The following PRKAG2 variants were observed in gnomAD, a reference collection of about 807,000 sequenced individuals.
The protein encoded by PRKAG2 is 5'-AMP-activated protein kinase subunit gamma-2.
PRKAG2 carries 26 observed loss-of-function variants against 69.6 expected under a neutral mutation model. That is an observed-to-expected ratio of 0.37 (90% confidence interval 0.27 to 0.52). PRKAG2 has a LOEUF of 0.52. PRKAG2 is among the 20% of genes least tolerant of loss of function. PRKAG2 has a pLI of 0.90. For synonymous variants in PRKAG2, 293 were observed against 285.0 expected (o/e 1.03, Z -0.28); for missense variants, 557 against 740.0 (o/e 0.75, Z 2.87).
chr7:151,559,333 C>T, intron 15 of PRKAG2: 5 of 985,158 alleles, frequency 5.1e-6, no homozygotes, highest in Non-Finnish European at 6.0e-6. Context: ...ATGGCATTAA[C>T]ATTCGTTTAG....
At chr7:151,561,738 G>A (rs946058206) in intron 14 of PRKAG2, among the ~76,000 whole-genome samples, 1 of 151,238 alleles carries the variant, frequency 6.6e-6, no homozygotes, top group Non-Finnish European at 1.5e-5. Flanking sequence ...TTCAAGACCA[G>A]CCTGACCAAT....
intron 3 of PRKAG2, among the ~76,000 whole-genome samples, chr7:151,772,659 C>T (rs898853900): frequency 4.6e-5 from 7 of 152,154 alleles, no homozygotes; most frequent in Admixed American, 6.5e-5. Context: ...TTACTTAAAA[C>T]ACTTAAAGTT....
intron 1 of PRKAG2, among the ~76,000 whole-genome samples, chr7:151,800,085 C>T (rs1337340493): frequency 1.3e-5 from 2 of 151,998 alleles, no homozygotes; most frequent in South Asian, 2.1e-4. Flanking sequence ...GGGCCGGGTG[C>T]GGTGGCTCAT....
At position 151,558,515 on chromosome 7, in the gene PRKAG2, G is replaced by C. The variant is rs548016503; in HGVS notation, c.1679-1283C>G. 21 of 960,518 alleles carry C rather than the reference G, an allele frequency of 2.2e-5. No homozygotes were observed. In the African/African-American group the frequency reaches 3.7e-4, roughly 17 times the overall value. The allele number at this position is 960,518 out of a possible 1,614,324, so 59.5% of individuals were successfully genotyped here. A position where few individuals can be genotyped will look rare whatever the true frequency, so the allele number is the denominator to read the frequency against. Reference sequence around the variant, plus strand: ...AGGTGAAGCGACTTGCTTACATTCAGACAGCGCTCGGGTGGGACAGCTGGG... The same window carrying C: ...AGGTGAAGCGACTTGCTTACATTCACACAGCGCTCGGGTGGGACAGCTGGG... On this transcript the variant is annotated intron_variant, in intron 15 of 15. Coordinates refer to ENST00000287878, the MANE Select transcript of PRKAG2 (RefSeq NM_016203.4).
At chr7:151,834,872 G>C (rs145696888) in intron 1 of PRKAG2, among the ~76,000 whole-genome samples, 7 of 152,250 alleles carry the variant, frequency 4.6e-5, no homozygotes, top group African/African-American at 1.7e-4. Context: ...GGGTCTCTCT[G>C]AGGCTGAGAG....
At position 151,780,203 on chromosome 7, in the gene PRKAG2, C is replaced by T. The variant is rs1297720821; in HGVS notation, c.466+949G>A. Reference sequence around the variant, plus strand: ...TGAGGCTGACAGAGACCTGGCTTCTCGTCCTACAGCCACTGCTGCCTGATG... The same window carrying T: ...TGAGGCTGACAGAGACCTGGCTTCTTGTCCTACAGCCACTGCTGCCTGATG... On this transcript the variant is annotated intron_variant, in intron 3 of 15. Coordinates refer to ENST00000287878, the MANE Select transcript of PRKAG2 (RefSeq NM_016203.4). This position sits in a 1 kb window ranked among gnomAD's most constrained non-coding sequence, Gnocchi z 4.2. 2.0e-5 allele frequency among the ~76,000 whole-genome samples: 3 copies of T among 152,262 alleles called. No homozygotes were observed. The highest frequency in any genetic ancestry group is 1.9e-4 in the East Asian group (1 of 5,202).
At chr7:151,729,149 G>T (rs1427618687) in intron 3 of PRKAG2, among the ~76,000 whole-genome samples, 1 of 139,744 alleles carries the variant, frequency 7.2e-6, no homozygotes, top group Non-Finnish European at 1.6e-5. Context: ...TCCAGGCATG[G>T]ATGAGAGTGG....
At chr7:151,760,254 T>C (rs1285566233) in intron 3 of PRKAG2, among the ~76,000 whole-genome samples, 3 of 152,162 alleles carry the variant, frequency 2.0e-5, no homozygotes, top group Non-Finnish European at 4.4e-5. Flanking sequence ...TTTATTGTTT[T>C]TGAAACAGAG....
At chr7:151,834,033 A>T (rs2079095040) in intron 1 of PRKAG2, among the ~76,000 whole-genome samples, 1 of 152,198 alleles carries the variant, frequency 6.6e-6, no homozygotes, top group African/African-American at 2.4e-5. Context: ...TACCTTTGCT[A>T]AATACTCACC....
chr7:151,826,095 T>C (rs894458935), intron 1 of PRKAG2, among the ~76,000 whole-genome samples: 1 of 152,150 alleles, frequency 6.6e-6, no homozygotes, highest in Admixed American at 6.6e-5. Context: ...TGCAAAGCTG[T>C]GCACCCACCA....
In PRKAG2 at chr7:151,595,411, C is replaced by A; in HGVS notation, c.798G>T (p.Arg266Ser). Residue 266 changes from arginine (R) to serine (S), a missense_variant, in exon 6 of 16, where the codon AGG (arginine) becomes AGT (serine). This residue lies in a region of PRKAG2 where 205 missense variants were observed against 383.4 expected (regional missense o/e 0.53). Coordinates refer to ENST00000287878, the MANE Select transcript of PRKAG2 (RefSeq NM_016203.4). ...GAACGATGTCATAACACTTGTGTGA[C>A]CTCATGAATCGCATGTAAACACCAC... ...SESGVYMRFMRSHKCYDIVPT... is the reference protein window; with the variant it reads ...SESGVYMRFMSSHKCYDIVPT... 1.2e-6 allele frequency: 2 copies of A among 1,613,976 alleles called. No individual in the cohort carries two copies. The highest frequency in any genetic ancestry group is 1.1e-5 in the South Asian group (1 of 91,076).
intron 1 of PRKAG2, among the ~76,000 whole-genome samples, chr7:151,855,289 T>TA (rs2079715759): frequency 8.7e-5 from 2 of 23,020 alleles, no homozygotes; most frequent in East Asian, 1.2e-3. Context: ...CACACCACCC[T>TA]CCACACACCA....
chr7:151,846,837 CTG>C, intron 1 of PRKAG2, among the ~76,000 whole-genome samples: 1 of 152,230 alleles, frequency 6.6e-6, no homozygotes, highest in East Asian at 1.9e-4. Context: ...GTTTGCATGA[CTG>C]TTCTAAAAAG....
intron 4 of PRKAG2, among the ~76,000 whole-genome samples, chr7:151,637,997 C>T (rs1386100905): frequency 1.3e-5 from 2 of 152,114 alleles, no homozygotes; most frequent in Non-Finnish European, 2.9e-5. Context: ...AGGGAAGGGG[C>T]GTGCACTTGT....
chr7:151,632,313 C>T lies in PRKAG2; in HGVS notation c.685-175G>A, dbSNP rs1050049696. ...GGCGGAGCGGGAGCGCTGCCCCCACCCGCCCGAGGCCGCCGCCGCCGCCGC... is the reference window on the plus strand; with the variant it reads ...GGCGGAGCGGGAGCGCTGCCCCCACTCGCCCGAGGCCGCCGCCGCCGCCGC... On this transcript the variant is annotated intron_variant, in intron 4 of 15. Transcript: ENST00000287878. The surrounding 1 kb of genome is among the most constrained non-coding windows in gnomAD (Gnocchi z 4.2). 4.4e-5 allele frequency: 36 copies of T among 827,538 alleles called. No individual in the cohort carries two copies. In the African/African-American group the frequency reaches 6.4e-4, roughly 15 times the overall value. 51.3% of individuals were successfully genotyped at this position (827,538 alleles called of 1,614,324 possible). A position where few individuals can be genotyped will look rare whatever the true frequency, so the allele number is the denominator to read the frequency against.
chr7:151,643,388 C>T (rs548059103), intron 4 of PRKAG2, among the ~76,000 whole-genome samples: 1 of 152,266 alleles, frequency 6.6e-6, no homozygotes, highest in Admixed American at 6.5e-5. Flanking sequence ...ATTCTCTGCT[C>T]CCTCCCCTGC....
At chr7:151,762,089 C>A (rs1028037449) in intron 3 of PRKAG2, among the ~76,000 whole-genome samples, 4 of 152,226 alleles carry the variant, frequency 2.6e-5, no homozygotes, top group Non-Finnish European at 5.9e-5. Flanking sequence ...CAAGAGGCAG[C>A]CACTGTCCGA....
intron 4 of PRKAG2, among the ~76,000 whole-genome samples, chr7:151,655,834 G>C (rs1829329059): frequency 6.6e-6 from 1 of 152,140 alleles, no homozygotes; most frequent in African/African-American, 2.4e-5. Flanking sequence ...TTATAAGAGT[G>C]CCAGCACTTA....
intron 5 of PRKAG2, among the ~76,000 whole-genome samples, chr7:151,611,064 A>G (rs1818716988): frequency 6.6e-6 from 1 of 152,080 alleles, no homozygotes; most frequent in South Asian, 2.1e-4. Flanking sequence ...CAATATTTTC[A>G]ATTCAAAGTT....
Sources: gnomAD v4.1 joint callset for allele counts (sites outside exome capture counted in the v4.1 genomes callset) on GRCh38, gnomAD v4.1.1 for gene constraint, gnomAD v4.1.1 regional missense constraint, Gnocchi (gnomAD v3.1) non-coding constraint, MANE v1.5 for transcripts, NCBI Gene and HGNC (gene_info 2026-07-23, HGNC 2026-07-21) for gene names.